CNTNAP2: variants seen among roughly 807,000 people sequenced by gnomAD.
The protein encoded by CNTNAP2 is contactin associated protein 2, also known as contactin-associated protein-like 2.
Under a neutral mutation model 155.2 loss-of-function variants are expected in CNTNAP2, and 98 were observed. The observed-to-expected ratio is 0.63, with a 90% CI of 0.54 to 0.75. The LOEUF (loss-of-function observed/expected upper bound fraction) is 0.75, where lower values mean the gene tolerates loss of function less well. Ranked by LOEUF, CNTNAP2 falls within the 30% of genes least tolerant of loss-of-function variation. The pLI is 0.00. For synonymous variants in CNTNAP2, 651 were observed against 631.2 expected, an observed-to-expected ratio of 1.03 and a Z score of -0.47; for missense variants, 1,727 against 1,688.1, an observed-to-expected ratio of 1.02 and a Z score of -0.40.
intron 13 of CNTNAP2, among the ~76,000 whole-genome samples, chr7:147,876,970 T>C (rs1239811330): frequency 6.6e-6 from 1 of 151,880 alleles, no homozygotes; most frequent in East Asian, 1.9e-4. Context: ...AGATTTGTTG[T>C]GGATTGGGTG....
chr7:147,791,738 A>G (rs1797823117), intron 13 of CNTNAP2, among the ~76,000 whole-genome samples: 1 of 152,048 alleles, frequency 6.6e-6, no homozygotes, highest in African/African-American at 2.4e-5. Flanking sequence ...TGAGATGCCC[A>G]TTGTGGGTTT....
At position 147,891,672 on chromosome 7, in the gene CNTNAP2, AC is replaced by A. The variant is rs549153537; in HGVS notation, c.2099-11892del. Reference sequence around the variant, plus strand: ...CAAAGAGCAAATTCATTTAAAAAAAACAACATCTACCTGGAATATAACATAA... The same window carrying A: ...CAAAGAGCAAATTCATTTAAAAAAAAAACATCTACCTGGAATATAACATAA... On this transcript the variant is annotated intron_variant, in intron 13 of 23. Coordinates refer to ENST00000361727, the MANE Select transcript of CNTNAP2 (RefSeq NM_014141.6). Among the ~76,000 whole-genome samples the A allele has an allele frequency of 4.3e-3, 662 of 152,352 alleles. 1 individual carries two copies. Among genetic ancestry groups the A allele is most frequent in the Non-Finnish European group, 7.4e-3 (501 of 68,020 alleles).
chr7:147,010,203 T>C (rs1402354778), intron 3 of CNTNAP2, among the ~76,000 whole-genome samples: 1 of 151,854 alleles, frequency 6.6e-6, no homozygotes, highest in African/African-American at 2.4e-5. Flanking sequence ...AGAGACACGG[T>C]TTCCCCATGT....
At chr7:147,936,719 C>T (rs573618807) in intron 14 of CNTNAP2, among the ~76,000 whole-genome samples, 9 of 152,272 alleles carry the variant, frequency 5.9e-5, no homozygotes, top group African/African-American at 1.9e-4. Flanking sequence ...CCCCCACTCA[C>T]CTTGATAAGC....
At chr7:146,522,572 T>C (rs976803971) in intron 1 of CNTNAP2, among the ~76,000 whole-genome samples, 5 of 151,834 alleles carry the variant, frequency 3.3e-5, no homozygotes, top group South Asian at 4.1e-4. Context: ...AAAATATATA[T>C]AGAAATACTG....
At chr7:146,801,497 G>T (rs1399366867) in intron 2 of CNTNAP2, among the ~76,000 whole-genome samples, 2 of 152,184 alleles carry the variant, frequency 1.3e-5, no homozygotes, top group East Asian at 3.8e-4. Flanking sequence ...CATGTTGAAA[G>T]ATTTATTCAG....
chr7:148,348,732 G>A (rs1337664308), intron 21 of CNTNAP2, among the ~76,000 whole-genome samples: 1 of 152,222 alleles, frequency 6.6e-6, no homozygotes, highest in Non-Finnish European at 1.5e-5. Context: ...CTGAAGCAGA[G>A]TAGATAATAG....
intron 8 of CNTNAP2, among the ~76,000 whole-genome samples, chr7:147,187,878 G>C (rs1167468853): frequency 6.6e-6 from 1 of 152,168 alleles, no homozygotes; most frequent in Non-Finnish European, 1.5e-5. Flanking sequence ...TGGGCCACAT[G>C]GTGAAACCCT....
intron 2 of CNTNAP2, among the ~76,000 whole-genome samples, chr7:146,821,480 T>G (rs1363141609): frequency 1.3e-5 from 2 of 152,136 alleles, no homozygotes; most frequent in Non-Finnish European, 2.9e-5. Context: ...TTTAAGAATG[T>G]TGAATGTTGG....
intron 8 of CNTNAP2, among the ~76,000 whole-genome samples, chr7:147,165,362 G>A (rs1475200016): frequency 6.6e-6 from 1 of 150,426 alleles, no homozygotes; most frequent in Non-Finnish European, 1.5e-5. Flanking sequence ...TTTTTTTTCT[G>A]GCTAATTTGT....
chr7:147,395,914 C>T (rs1471411225), intron 10 of CNTNAP2, 134 bp downstream of exon 10: 9 of 888,328 alleles, frequency 1.0e-5, no homozygotes, highest in African/African-American at 1.7e-5. Flanking sequence ...ATTCAAAGTA[C>T]GTATTGTAGT....
intron 3 of CNTNAP2, among the ~76,000 whole-genome samples, chr7:146,878,203 T>C (rs1795466845): frequency 6.6e-6 from 1 of 152,176 alleles, no homozygotes; most frequent in African/African-American, 2.4e-5. Context: ...TTTTTTACCA[T>C]AGTATTTGGC....
intron 1 of CNTNAP2, among the ~76,000 whole-genome samples, chr7:146,248,670 G>C (rs1034949500): frequency 6.6e-6 from 1 of 152,188 alleles, no homozygotes; most frequent in Non-Finnish European, 1.5e-5. Flanking sequence ...CTGCTTACCG[G>C]ATTTTAAATT....
chr7:146,398,185 T>G (rs1053850953), intron 1 of CNTNAP2, among the ~76,000 whole-genome samples: 1 of 35,714 alleles, frequency 2.8e-5, no homozygotes, highest in Non-Finnish European at 5.1e-5. Context: ...GGCCCCAAAC[T>G]TTTTTTTTTT....
chr7:147,543,774 A>G (rs985920469), intron 11 of CNTNAP2, among the ~76,000 whole-genome samples: 16 of 152,216 alleles, frequency 1.1e-4, no homozygotes, highest in Middle Eastern at 6.8e-3. Context: ...TCTCCAAAGA[A>G]CCATGGCGAG....
chr7:147,548,409 GA>G (rs1305021092), intron 11 of CNTNAP2, among the ~76,000 whole-genome samples: 1 of 152,098 alleles, frequency 6.6e-6, no homozygotes, highest in Non-Finnish European at 1.5e-5. Flanking sequence ...GTCTTCTTTT[GA>G]AAAGTGTCTG....
Position 148,076,422 on chromosome 7 carries a change from C to CTTTTT in CNTNAP2, c.2384-41669_2384-41665dup, listed in dbSNP as rs771048326. 2.3e-3 allele frequency among the ~76,000 whole-genome samples: 117 copies of CTTTTT among 49,810 alleles called. 11 individuals are homozygous for CTTTTT. Among genetic ancestry groups the CTTTTT allele is most frequent in the African/African-American group, 5.8e-3 (63 of 10,790 alleles). 32.7% of individuals were successfully genotyped at this position (49,810 alleles called of 152,430 possible). On this transcript the variant is annotated intron_variant, in intron 15 of 23. Transcript: ENST00000361727. ...TGTAGACCTATGATAGCTCTGACTT[C>CTTTTT]TTTTTTTTTTTTTTTTTTTTTTTTT...
intron 17 of CNTNAP2, among the ~76,000 whole-genome samples, chr7:148,152,797 G>GA (rs1440233171): frequency 6.6e-6 from 1 of 152,024 alleles, no homozygotes; most frequent in African/African-American, 2.4e-5. Flanking sequence ...GAGATGGGGG[G>GA]ATCACGAAGT....
At chr7:148,217,639 G>A in intron 19 of CNTNAP2, 115 bp downstream of exon 19, 3 of 1,149,764 alleles carry the variant, frequency 2.6e-6, no homozygotes, top group South Asian at 2.5e-5. Flanking sequence ...GCTTTTTTAA[G>A]CAAGTCACAT....
Sources: allele counts gnomAD v4.1 joint callset (sites outside exome capture counted in the v4.1 genomes callset), GRCh38; gene constraint gnomAD v4.1.1; transcripts MANE v1.5; gene names NCBI Gene and HGNC (gene_info 2026-07-23, HGNC 2026-07-21).